CCDC33: variants seen among roughly 807,000 people sequenced by gnomAD.
CCDC33 encodes coiled-coil domain-containing protein 33.
CCDC33 carries 94 observed loss-of-function variants against 91.9 expected under a neutral mutation model. That is an observed-to-expected ratio of 1.02 (90% CI 0.87 to 1.21). CCDC33 has a LOEUF of 1.21. CCDC33 is among the 50% of genes most tolerant of loss of function. The probability of loss-of-function intolerance (pLI) is 0.00; values close to 1 mark genes in which losing one functional copy is unlikely to be tolerated. For synonymous variants in CCDC33, 396 were observed against 374.5 expected, an observed-to-expected ratio of 1.06 and a Z score of -0.66; for missense variants, 940 against 935.5, an observed-to-expected ratio of 1.00 and a Z score of -0.06.
At chr15:74,299,079 C>A (rs970754854) in intron 11 of CCDC33, among the ~76,000 whole-genome samples, 2 of 152,186 alleles carry the variant, frequency 1.3e-5, no homozygotes, top group Non-Finnish European at 2.9e-5. Context: ...AAAGAAGCAG[C>A]CTGAGCATGC....
chr15:74,214,905 A>G (rs2074400670), upstream of CCDC33, among the ~76,000 whole-genome samples: 2 of 152,252 alleles, frequency 1.3e-5, no homozygotes, highest in South Asian at 4.1e-4. Context: ...TCATTCATGC[A>G]TTCATTCATT....
At chr15:74,286,680 G>C (rs2059480973) in intron 10 of CCDC33, among the ~76,000 whole-genome samples, 1 of 152,116 alleles carries the variant, frequency 6.6e-6, no homozygotes, top group Admixed American at 6.5e-5. Flanking sequence ...TAAGATTTGG[G>C]ATCCATCACC....
Position 74,271,724 on chromosome 15 carries a change from G to A in CCDC33, c.568G>A (p.Glu190Lys), listed in dbSNP as rs948372186. 3.7e-6 allele frequency: 6 copies of A among 1,613,412 alleles called. 1 individual carries two copies. The highest frequency in any genetic ancestry group is 2.2e-5 in the East Asian group (1 of 44,840). The change falls in exon 6 of 19, where the codon GAG (glutamate) becomes AAG (lysine). Residue 190 changes from glutamate (E) to lysine (K), a missense_variant. By Grantham distance (56) the Glu-to-Lys change is moderately conservative. Transcript: ENST00000398814. The stretch of plus-strand genomic sequence containing the variant: ...CCAGATCTTTCTCCGGGGAGTCAAC[G>A]AGCCCCTGGCCAACAACCCCAACCC... ...ALEIFLRGVN[E>K]PLANNPNPIV... is the part of the protein sequence containing the mutation.
At chr15:74,206,213 C>T (rs890290772) in intron 1 of CCDC33, among the ~76,000 whole-genome samples, 2 of 152,150 alleles carry the variant, frequency 1.3e-5, no homozygotes, top group Admixed American at 1.3e-4. Context: ...TCCCACCTGC[C>T]CCCTCCTGGC....
At chr15:74,253,654 TG>T (rs1296886282) in intron 2 of CCDC33, among the ~76,000 whole-genome samples, 3 of 152,100 alleles carry the variant, frequency 2.0e-5, no homozygotes, top group Non-Finnish European at 2.9e-5. Flanking sequence ...TCAGCAGCAG[TG>T]GAGCCGGGAG....
intron 11 of CCDC33, among the ~76,000 whole-genome samples, chr15:74,314,939 C>G (rs1444438463): frequency 6.6e-6 from 1 of 152,244 alleles, no homozygotes; most frequent in Admixed American, 6.5e-5. Flanking sequence ...AGAAGTCTGA[C>G]AGCCTGCCAA....
At chr15:74,242,775 A>C (rs145859355) in intron 1 of CCDC33, among the ~76,000 whole-genome samples, 283 of 152,140 alleles carry the variant, frequency 1.9e-3, no homozygotes, top group Middle Eastern at 0.014. Context: ...CCTCATGGCC[A>C]CACCCCTCCC....
intron 2 of CCDC33, chr15:74,221,215 GGT>G (rs2074583724): frequency 8.8e-6 from 7 of 797,238 alleles, no homozygotes; most frequent in South Asian, 6.4e-5. Flanking sequence ...GTGTGGCACT[GGT>G]TTTTTTTTTT....
intron 16 of CCDC33, 157 bp downstream of exon 16, chr15:74,333,002 C>T: frequency 1.1e-6 from 1 of 870,170 alleles, no homozygotes; most frequent in Admixed American, 2.8e-5. Context: ...AGGCCTTGGT[C>T]TTTTTCTCCT....
At chr15:74,229,395 A>G (rs1045865688) in intron 2 of CCDC33, among the ~76,000 whole-genome samples, 1 of 152,200 alleles carries the variant, frequency 6.6e-6, no homozygotes, top group Admixed American at 6.5e-5. Context: ...TGGGAGGCCA[A>G]GGCGGGGGAA....
At chr15:74,231,753 C>T (rs118090104), upstream of CCDC33, among the ~76,000 whole-genome samples, 9,078 of 152,246 alleles carry the variant, frequency 0.06, 321 homozygotes, top group East Asian at 0.11. Flanking sequence ...CGGTGGTTCA[C>T]GCCTGTAATC....
intron 15 of CCDC33, among the ~76,000 whole-genome samples, chr15:74,332,165 G>A: frequency 6.6e-6 from 1 of 152,238 alleles, no homozygotes; most frequent in Non-Finnish European, 1.5e-5. Context: ...CCCAAAGCAA[G>A]GGATTTCCCT....
At chr15:74,212,657 G>C (rs778879809), upstream of CCDC33, 7 of 152,174 alleles carry the variant, frequency 4.6e-5, no homozygotes, top group African/African-American at 7.2e-5. Context: ...CTACTTACTA[G>C]CTGAGTGACC....
chr15:74,264,311 G>A (rs1301813964), intron 3 of CCDC33, among the ~76,000 whole-genome samples: 1 of 152,204 alleles, frequency 6.6e-6, no homozygotes, highest in Non-Finnish European at 1.5e-5. Context: ...CAGGGCCAAA[G>A]CAGGCGGGTG....
chr15:74,251,768 T>A (rs1219854338), intron 2 of CCDC33, among the ~76,000 whole-genome samples: 1 of 152,146 alleles, frequency 6.6e-6, no homozygotes, highest in Non-Finnish European at 1.5e-5. Context: ...CTGACCCTGG[T>A]CACAGACTGA....
At chr15:74,208,150 C>G (rs980347778) in intron 1 of CCDC33, 1 of 824,184 alleles carries the variant, frequency 1.2e-6, no homozygotes, top group African/African-American at 1.8e-5. Context: ...TGTTCTTTCC[C>G]TCCCAGAGGG....
rs529463607 is a variant in CCDC33, at chr15:74,259,551, C to T, written c.186-2889C>T. Among the ~76,000 whole-genome samples, 10 of 152,266 alleles carry T rather than the reference C, an allele frequency of 6.6e-5. No individual in the cohort carries two copies. In the South Asian group the frequency reaches 8.3e-4, roughly 13 times the overall value. On this transcript the variant is annotated intron_variant, in intron 2 of 18. Transcript: ENST00000398814. ...TCCCCTGGGGCCTCCCCCTCCCACC[C>T]AGTTGCTTTATCTGCACTCACCTAG... is the stretch of plus-strand genomic sequence containing the variant.
At chr15:74,334,206 G>A (rs1412004699) in intron 17 of CCDC33, among the ~76,000 whole-genome samples, 2 of 151,216 alleles carry the variant, frequency 1.3e-5, no homozygotes, top group African/African-American at 2.4e-5. Flanking sequence ...AGTTCAGTGT[G>A]TTACCAGGGT....
At chr15:74,299,570 G>A (rs2142645157) in intron 11 of CCDC33, 1 of 152,400 alleles carries the variant, frequency 6.6e-6, no homozygotes, top group South Asian at 2.1e-4. Context: ...GGATGGGCAG[G>A]AATGGGCCTG....
Sources: gnomAD v4.1 joint callset for allele counts (sites outside exome capture counted in the v4.1 genomes callset) on GRCh38, gnomAD v4.1.1 for gene constraint, MANE v1.5 for transcripts, NCBI Gene and HGNC (gene_info 2026-07-23, HGNC 2026-07-21) for gene names.